LMO7: variants seen among roughly 807,000 people sequenced by gnomAD.
The protein encoded by LMO7 is LIM domain 7.
In LMO7, 120 loss-of-function variants were observed where a neutral mutation model predicts 206.5. The ratio of observed to expected loss-of-function variants is 0.58; its 90% CI spans 0.50 to 0.68. LMO7 has a LOEUF of 0.68. Ranked by LOEUF, LMO7 falls within the 30% of genes least tolerant of loss-of-function variation. The pLI, the probability that LMO7 is intolerant of heterozygous loss-of-function variation, is 0.00. For synonymous variants in LMO7, 706 were observed against 681.5 expected, an observed-to-expected ratio of 1.04 and a Z score of -0.56; for missense variants, 1,959 against 1,957.9, an observed-to-expected ratio of 1.00 and a Z score of -0.01.
At chr13:75,728,120 A>G (rs1316260733) in intron 3 of LMO7, among the ~76,000 whole-genome samples, 2 of 152,098 alleles carry the variant, frequency 1.3e-5, no homozygotes, top group African/African-American at 4.8e-5. Flanking sequence ...ATGATTTATA[A>G]TCCTTTGGGT....
chr13:75,783,518 T>A (rs2051893429), intron 4 of LMO7, among the ~76,000 whole-genome samples: 1 of 152,176 alleles, frequency 6.6e-6, no homozygotes, highest in Non-Finnish European at 1.5e-5. Context: ...AGAAGGGGTT[T>A]CATCATGTTG....
At chr13:75,852,202 G>T (rs1225260750) in intron 27 of LMO7, among the ~76,000 whole-genome samples, 1 of 151,826 alleles carries the variant, frequency 6.6e-6, no homozygotes, top group Non-Finnish European at 1.5e-5. Context: ...TTCTGTGGTT[G>T]GTATTTATTG....
intron 1 of LMO7, among the ~76,000 whole-genome samples, chr13:75,710,669 A>C (rs2043027673): frequency 6.6e-6 from 1 of 151,982 alleles, no homozygotes; most frequent in South Asian, 2.1e-4. Context: ...ACTTTGCTGA[A>C]GTTGCCTATC....
Position 75,817,987 on chromosome 13 carries a change from T to C in LMO7, c.2064+709T>C, listed in dbSNP as rs144759600. Among the ~76,000 whole-genome samples, 997 of 152,250 alleles carry C rather than the reference T, an allele frequency of 6.5e-3. 17 individuals are homozygous for C. Among genetic ancestry groups the C allele is most frequent in the African/African-American group, 0.023 (941 of 41,544 alleles). ...CCAAAGGAATTTGAGGACAACTTTA[T>C]GGTAAGAGTTGAGCAAAAGCATGAG... On this transcript the variant is annotated intron_variant, in intron 12 of 30. Transcript: ENST00000377534.
chr13:75,837,189 A>G (rs1397446351), intron 19 of LMO7, among the ~76,000 whole-genome samples: 1 of 152,222 alleles, frequency 6.6e-6, no homozygotes, highest in Non-Finnish European at 1.5e-5. Context: ...TCTTAAAGCC[A>G]ACCTAAATAT....
In LMO7 at chr13:75,821,550, A is replaced by C; in HGVS notation, c.2581A>C (p.Thr861Pro). The change falls in exon 14 of 31, where the codon ACA becomes CCA. Residue 861 changes from threonine (T) to proline (P), a missense_variant. Thr to Pro is a conservative substitution (Grantham distance 38). Transcript: ENST00000377534. ...TDTVRLTSVV[T>P]PRPFGSQTRG... Reference sequence around the variant, plus strand: ...TACAGTCAGGTTAACATCTGTGGTCACACCAAGACCCTTTGGCTCTCAGAC... The same window carrying C: ...TACAGTCAGGTTAACATCTGTGGTCCCACCAAGACCCTTTGGCTCTCAGAC... 1 of 1,614,032 alleles carries C rather than the reference A, an allele frequency of 6.2e-7. No individual in the cohort carries two copies. The highest frequency in any genetic ancestry group is 8.5e-7 in the Non-Finnish European group (1 of 1,179,942).
chr13:75,739,376 A>G (rs552232876), intron 3 of LMO7, among the ~76,000 whole-genome samples: 81 of 152,366 alleles, frequency 5.3e-4, no homozygotes, highest in African/African-American at 1.9e-3. Flanking sequence ...TTTCAGGAGT[A>G]GAATGTGTAA....
In LMO7 at chr13:75,809,171, A is replaced by G. The variant is rs202172099; in HGVS notation, c.1934A>G (p.Tyr645Cys). Reference protein sequence around the residue: ...LMVERLFQKIYGENGSKSMSD... With the variant: ...LMVERLFQKICGENGSKSMSD... The stretch of plus-strand genomic sequence containing the variant: ...TTTCTTAGACTCTTTCAAAAGATTT[A>G]TGGTGAGAATGGGTAAGTTGTGTGG... Residue 645 changes from tyrosine (Y) to cysteine (C), a missense_variant, in exon 11 of 31, where the codon TAT becomes TGT. By Grantham distance (194) the Tyr-to-Cys change is radical. Transcript: ENST00000377534. The G allele has an allele frequency of 1.0e-4, 162 of 1,612,492 alleles. 1 individual carries two copies. In the East Asian group the frequency reaches 3.0e-3, roughly 30 times the overall value.
intron 3 of LMO7, among the ~76,000 whole-genome samples, chr13:75,742,870 A>G (rs1194589911): frequency 6.6e-6 from 1 of 152,264 alleles, no homozygotes; most frequent in Non-Finnish European, 1.5e-5. Flanking sequence ...AAAATTGACA[A>G]ATGGGATGTA....
At chr13:75,764,922 T>C (rs1016690080) in intron 4 of LMO7, among the ~76,000 whole-genome samples, 4 of 152,074 alleles carry the variant, frequency 2.6e-5, no homozygotes, top group Non-Finnish European at 5.9e-5. Context: ...AACATTGATA[T>C]TAACGGAGTT....
At chr13:75,732,069 A>G (rs1011476011) in intron 3 of LMO7, among the ~76,000 whole-genome samples, 1 of 151,076 alleles carries the variant, frequency 6.6e-6, no homozygotes, top group Non-Finnish European at 1.5e-5. Context: ...TTTTTCCTTC[A>G]TTTCAACTTT....
At chr13:75,668,656 A>G (rs79904051) in intron 1 of LMO7, among the ~76,000 whole-genome samples, 3,823 of 152,282 alleles carry the variant, frequency 0.025, 83 homozygotes, top group Admixed American at 0.035. Flanking sequence ...CAGTACCCTC[A>G]GAAATTTTTT....
intron 14 of LMO7, among the ~76,000 whole-genome samples, chr13:75,823,124 C>T (rs2057767831): frequency 6.6e-6 from 1 of 152,038 alleles, no homozygotes; most frequent in Admixed American, 6.6e-5. Context: ...TCTCATCACT[C>T]CCCAGATCTT....
intron 1 of LMO7, among the ~76,000 whole-genome samples, chr13:75,698,898 G>A (rs988244785): frequency 4.0e-5 from 6 of 151,794 alleles, no homozygotes; most frequent in South Asian, 2.1e-4. Context: ...CAGAATTGCC[G>A]AGCCATCACC....
rs1176021148 is a variant in LMO7 at position 75,840,439 on chromosome 13, G to C, written c.3526G>C (p.Glu1176Gln). The C allele has an allele frequency of 1.2e-6, 2 of 1,614,004 alleles. No individual in the cohort carries two copies. Among genetic ancestry groups the C allele is most frequent in the Non-Finnish European group, 1.7e-6 (2 of 1,180,024 alleles). ...CCCGAGTCGCTGGGTGTGGGATCAA[G>C]AGGAGGAGCGGAAGCGGCAGGAGAG... Reference protein sequence around the residue: ...SAPSRWVWDQEEERKRQERWQ... With the variant: ...SAPSRWVWDQQEERKRQERWQ... The change falls in exon 22 of 31, where the codon GAG becomes CAG. Residue 1176 changes from glutamate (E) to glutamine (Q), a missense_variant. Physicochemically the swap from Glu to Gln is conservative, Grantham distance 29. Coordinates refer to ENST00000377534, the MANE Select transcript of LMO7 (RefSeq NM_001306080.2).
intron 2 of LMO7, among the ~76,000 whole-genome samples, chr13:75,630,096 TTTAGA>T (rs1318383201): frequency 1.3e-5 from 2 of 152,234 alleles, no homozygotes; most frequent in African/African-American, 2.4e-5. Context: ...TTAAATCATC[TTTAGA>T]TTACTCATAT....
intron 1 of LMO7, among the ~76,000 whole-genome samples, chr13:75,658,733 A>G (rs1201999853): frequency 6.7e-6 from 1 of 148,288 alleles, no homozygotes; most frequent in Middle Eastern, 3.3e-3. Context: ...ACAGGCGCCC[A>G]CCACCACGCC....
chr13:75,731,708 T>C (rs2045245948), intron 3 of LMO7, among the ~76,000 whole-genome samples: 1 of 152,152 alleles, frequency 6.6e-6, no homozygotes, highest in African/African-American at 2.4e-5. Flanking sequence ...TTAGTTGATG[T>C]AGTTTCTTCC....
At position 75,858,408 on chromosome 13, in the gene LMO7, CATTAAAA is replaced by C. The variant is rs2061125295; in HGVS notation, c.*466_*472del. 1 of 152,750 alleles carries C rather than the reference CATTAAAA, an allele frequency of 6.5e-6. No individual in the cohort carries two copies. Among genetic ancestry groups the C allele is most frequent in the South Asian group, 2.1e-4 (1 of 4,836 alleles). 9.5% of individuals were successfully genotyped at this position (152,750 alleles called of 1,614,324 possible). A position where few individuals can be genotyped will look rare whatever the true frequency, so the allele number is the denominator to read the frequency against. Reference sequence around the variant, plus strand: ...TAATGCAGAACCATATGGAAAATTTCATTAAAATCTATCCCCAAATGTGCTTTCTGTA... The same window carrying C: ...TAATGCAGAACCATATGGAAAATTTCTCTATCCCCAAATGTGCTTTCTGTA... On this transcript the variant is annotated 3_prime_UTR_variant, in exon 31 of 31. Coordinates refer to ENST00000377534, the MANE Select transcript of LMO7 (RefSeq NM_001306080.2).
Sources: allele counts gnomAD v4.1 joint callset (sites outside exome capture counted in the v4.1 genomes callset), GRCh38; gene constraint gnomAD v4.1.1; transcripts MANE v1.5; gene names NCBI Gene and HGNC (gene_info 2026-07-23, HGNC 2026-07-21).